The following PCDH9 variants were observed in gnomAD, a reference collection of about 807,000 sequenced individuals.
PCDH9 encodes protocadherin-9.
A neutral mutation model predicts 70.6 loss-of-function variants in PCDH9; 24 were observed. The ratio of observed to expected loss-of-function variants is 0.34; its 90% confidence interval spans 0.25 to 0.48. The LOEUF is 0.48. PCDH9 is among the 20% of genes least tolerant of loss of function. The pLI, the probability that PCDH9 is intolerant of heterozygous loss-of-function variation, is 0.99. For synonymous variants in PCDH9, 562 were observed against 558.5 expected (o/e 1.01, Z -0.09); for missense variants, 1,281 against 1,503.6 (o/e 0.85, Z 2.45).
intron 4 of PCDH9, among the ~76,000 whole-genome samples, chr13:66,511,818 T>C (rs1008069097): frequency 4.6e-5 from 7 of 152,256 alleles, no homozygotes; most frequent in African/African-American, 1.7e-4. Context: ...TCTGCCATGA[T>C]TGGAAGCTTC....
intron 3 of PCDH9, among the ~76,000 whole-genome samples, chr13:66,674,378 G>A (rs2078215698): frequency 1.3e-5 from 2 of 151,962 alleles, no homozygotes; most frequent in Admixed American, 6.6e-5. Flanking sequence ...TATATTGCTA[G>A]CATTTATGCA....
intron 2 of PCDH9, among the ~76,000 whole-genome samples, chr13:67,087,122 A>C (rs2086124123): frequency 6.6e-6 from 1 of 151,414 alleles, no homozygotes; most frequent in African/African-American, 2.4e-5. Flanking sequence ...TAAAGGATAC[A>C]GAACAGTTGT....
At chr13:66,537,028 C>T (rs563347798) in intron 4 of PCDH9, among the ~76,000 whole-genome samples, 46 of 152,224 alleles carry the variant, frequency 3.0e-4, no homozygotes, top group African/African-American at 1.1e-3. Flanking sequence ...CATGAATTTG[C>T]TTATTTATCT....
intron 3 of PCDH9, among the ~76,000 whole-genome samples, chr13:66,867,362 T>A (rs192971259): frequency 6.6e-6 from 1 of 152,324 alleles, no homozygotes; most frequent in East Asian, 1.9e-4. Flanking sequence ...TGTAGAATGA[T>A]ATTTGGGTAT....
At chr13:66,831,525 A>T (rs2080925168) in intron 3 of PCDH9, among the ~76,000 whole-genome samples, 1 of 152,174 alleles carries the variant, frequency 6.6e-6, no homozygotes, top group Non-Finnish European at 1.5e-5. Context: ...GATGACACCG[A>T]CACAAACAGA....
intron 4 of PCDH9, among the ~76,000 whole-genome samples, chr13:66,615,515 T>C (rs1217043040): frequency 2.6e-5 from 4 of 152,192 alleles, no homozygotes; most frequent in Admixed American, 2.0e-4. Flanking sequence ...TAGACAATTG[T>C]CATCTTGTTT....
At chr13:66,905,586 G>A (rs1331754621) in intron 2 of PCDH9, among the ~76,000 whole-genome samples, 1 of 151,816 alleles carries the variant, frequency 6.6e-6, no homozygotes, top group African/African-American at 2.4e-5. Flanking sequence ...GTAAATTTTG[G>A]CCTCACTCCG....
chr13:66,713,124 G>A (rs1246401849), intron 3 of PCDH9, among the ~76,000 whole-genome samples: 7 of 152,188 alleles, frequency 4.6e-5, no homozygotes, highest in Admixed American at 3.9e-4. Flanking sequence ...CTTAAAAACT[G>A]CGTGATCACT....
chr13:66,799,458 C>A (rs2080294075), intron 3 of PCDH9, among the ~76,000 whole-genome samples: 1 of 152,082 alleles, frequency 6.6e-6, no homozygotes, highest in Non-Finnish European at 1.5e-5. Context: ...TGATGAGTCA[C>A]CTTATAAGCA....
intron 2 of PCDH9, chr13:67,209,684 AT>A (rs1489727149): frequency 6.6e-6 from 1 of 152,102 alleles, no homozygotes; most frequent in Non-Finnish European, 1.5e-5. Context: ...GTGGGTTCTT[AT>A]TTCTGCAGTG....
At chr13:67,046,927 T>C (rs2085233275) in intron 2 of PCDH9, among the ~76,000 whole-genome samples, 1 of 152,092 alleles carries the variant, frequency 6.6e-6, no homozygotes, top group Non-Finnish European at 1.5e-5. Flanking sequence ...CATATGAGAG[T>C]TAGGCTCATG....
intron 2 of PCDH9, among the ~76,000 whole-genome samples, chr13:66,912,935 T>C (rs1036281617): frequency 6.6e-6 from 1 of 152,098 alleles, no homozygotes; most frequent in Non-Finnish European, 1.5e-5. Context: ...TTTCTTTGTA[T>C]TATGAAAACT....
chr13:67,170,426 A>G (rs1192844951), intron 2 of PCDH9, among the ~76,000 whole-genome samples: 1 of 152,170 alleles, frequency 6.6e-6, no homozygotes, highest in Non-Finnish European at 1.5e-5. Flanking sequence ...TCTATGGTAA[A>G]AGGATTATTT....
chr13:66,730,844 GT>G (rs1332473300), intron 3 of PCDH9, among the ~76,000 whole-genome samples: 1 of 94,362 alleles, frequency 1.1e-5, no homozygotes, highest in Non-Finnish European at 2.2e-5. Context: ...ATGCCTGGCT[GT>G]TTTTTTGTTT....
At chr13:66,736,886 G>C (rs2079157533) in intron 3 of PCDH9, among the ~76,000 whole-genome samples, 1 of 152,130 alleles carries the variant, frequency 6.6e-6, no homozygotes, top group Non-Finnish European at 1.5e-5. Context: ...ATCTTCCAGA[G>C]ATCTTTCCCC....
chr13:66,739,144 C>A (rs562388005), intron 3 of PCDH9, among the ~76,000 whole-genome samples: 1 of 144,642 alleles, frequency 6.9e-6, no homozygotes, highest in African/African-American at 2.6e-5. Context: ...GCGGATCTCT[C>A]GGCAGAAACC....
At chr13:67,104,313 A>C (rs963392314) in intron 2 of PCDH9, among the ~76,000 whole-genome samples, 1 of 152,162 alleles carries the variant, frequency 6.6e-6, no homozygotes. Flanking sequence ...TAAAATAATA[A>C]ATTCACATGG....
intron 4 of PCDH9, among the ~76,000 whole-genome samples, chr13:66,440,807 T>C (rs1038087093): frequency 2.6e-5 from 4 of 152,128 alleles, no homozygotes; most frequent in Non-Finnish European, 5.9e-5. Context: ...CTTATTCCTA[T>C]TTTCTGTCTT....
rs1205835223 is a variant in PCDH9 at position 67,225,921 on chromosome 13, A to G, written c.2520T>C (p.His840=). The G allele has an allele frequency of 6.2e-7, 1 of 1,614,094 alleles. No individual in the cohort carries two copies. The highest frequency in any genetic ancestry group is 1.1e-5 in the South Asian group (1 of 91,074). ...IFVTVLVRCR[H]ASRFKAAQRS... is the part of the protein sequence containing the mutation. ...TCTGAGCTGCTTTGAACCTTGATGC[A>G]TGGCGACAGCGCACCAGAACGGTGA... is the stretch of plus-strand genomic sequence containing the variant. The change falls in exon 2 of 5, where the codon CAT becomes CAC. Residue 840 remains histidine, a synonymous_variant. Transcript: ENST00000377865.
Sources: gnomAD v4.1 joint callset for allele counts (sites outside exome capture counted in the v4.1 genomes callset) on GRCh38, gnomAD v4.1.1 for gene constraint, MANE v1.5 for transcripts, NCBI Gene and HGNC (gene_info 2026-07-23, HGNC 2026-07-21) for gene names.